Variants in RBBP8 observed in about 807,000 individuals in gnomAD.
RBBP8 encodes the protein RB binding protein 8, endonuclease.
In RBBP8, 88 loss-of-function variants were observed where a neutral mutation model predicts 108.3. That is an observed-to-expected ratio of 0.81 (90% CI 0.68 to 0.97). The LOEUF is 0.97. Ranked by LOEUF, RBBP8 falls within the 50% of genes least tolerant of loss-of-function variation. The pLI, the probability that RBBP8 is intolerant of heterozygous loss-of-function variation, is 0.00. For missense variants in RBBP8, 1,023 were observed against 1,049.0 expected, an observed-to-expected ratio of 0.98 and a Z score of 0.34; for synonymous variants, 332 against 348.2, an observed-to-expected ratio of 0.95 and a Z score of 0.52.
chr18:22,935,801 C>G (rs1910523676), intron 1 of RBBP8, among the ~76,000 whole-genome samples: 1 of 152,192 alleles, frequency 6.6e-6, no homozygotes, highest in Non-Finnish European at 1.5e-5. Context: ...TCTTCAAGGA[C>G]TATGTAATAA....
chr18:22,978,043 G>T (rs1436444007), intron 6 of RBBP8, among the ~76,000 whole-genome samples: 1 of 152,130 alleles, frequency 6.6e-6, no homozygotes, highest in Non-Finnish European at 1.5e-5. Context: ...CTGATCAGTG[G>T]AGCAGTACTG....
At chr18:22,946,653 T>G (rs765687709) in intron 3 of RBBP8, among the ~76,000 whole-genome samples, 167 bp downstream of exon 3, 4 of 149,198 alleles carry the variant, frequency 2.7e-5, no homozygotes, top group Non-Finnish European at 4.5e-5. Flanking sequence ...TCAGCAGCAG[T>G]TTTTTTTTTC....
chr18:22,967,015 C>T (rs1913662925), intron 4 of RBBP8, among the ~76,000 whole-genome samples: 1 of 152,112 alleles, frequency 6.6e-6, no homozygotes, highest in African/African-American at 2.4e-5. Flanking sequence ...CGTAAGCCAC[C>T]ATGCTCTGCC....
intron 2 of RBBP8, among the ~76,000 whole-genome samples, chr18:22,940,110 G>A (rs749008598): frequency 6.6e-6 from 1 of 151,936 alleles, no homozygotes; most frequent in African/African-American, 2.4e-5. Context: ...ATGTAAAATG[G>A]TATGTGCTAT....
At position 22,993,611 on chromosome 18, in the gene RBBP8, AG is replaced by A; in HGVS notation, c.1785del (p.Thr596LeufsTer5). On this transcript the variant is annotated frameshift_variant, in exon 11 of 19. Coordinates refer to ENST00000327155, the MANE Select transcript of RBBP8 (RefSeq NM_002894.3). LOFTEE classifies it high-confidence loss of function. ...CCTCTACGTCCACGTGAAAGTTTGG[AG>A]ACTGAGAATGTTTTAGATGACATAA... ...KIPLRPRESL[E>X]TENVLDDIKS... is the part of the protein sequence containing the mutation. 2.5e-6 allele frequency: 4 copies of A among 1,614,256 alleles called. No individual in the cohort carries two copies. Among genetic ancestry groups the A allele is most frequent in the Non-Finnish European group, 3.4e-6 (4 of 1,180,042 alleles).
rs1438253261 is a variant in RBBP8 at position 23,026,484 on chromosome 18, C to A, written c.*244C>A. 2.3e-6 allele frequency: 1 copy of A among 431,756 alleles called. No homozygotes were observed. Among genetic ancestry groups the A allele is most frequent in the South Asian group, 2.2e-5 (1 of 45,018 alleles). The allele number at this position is 431,756 out of a possible 1,614,324, so 26.7% of individuals were successfully genotyped here. On this transcript the variant is annotated 3_prime_UTR_variant, in exon 19 of 19. Transcript: ENST00000327155. ...GATACCTAATACAATTTTGAAAATA[C>A]AATAGTTGTAGTCTGTGATTTGTTG...
Position 23,026,341 on chromosome 18 carries a change from A to G in RBBP8, c.*101A>G. ...CATTGATTTTTTTGATCTTCTGTAA[A>G]TGGATTTATAAATCAGTTTTCTATT... On this transcript the variant is annotated 3_prime_UTR_variant, in exon 19 of 19. Coordinates refer to ENST00000327155, the MANE Select transcript of RBBP8 (RefSeq NM_002894.3). 1 of 1,007,940 alleles carries G rather than the reference A, an allele frequency of 9.9e-7. No homozygotes were observed. The highest frequency in any genetic ancestry group is 1.5e-6 in the Non-Finnish European group (1 of 658,898). The allele number at this position is 1,007,940 out of a possible 1,614,324, so 62.4% of individuals were successfully genotyped here.
chr18:22,989,311 A>G lies in RBBP8; in HGVS notation c.800A>G (p.Glu267Gly), dbSNP rs142213980. 206 of 1,587,914 alleles carry G rather than the reference A, an allele frequency of 1.3e-4. No individual in the cohort carries two copies. Among genetic ancestry groups the G allele is most frequent in the Non-Finnish European group, 1.5e-4 (178 of 1,156,778 alleles). ...GAAACACTTGGACTTGGTGTTCAAGAAGAATCTGTAAGTAATTGTTTAGTT... is the reference window on the plus strand; with the variant it reads ...GAAACACTTGGACTTGGTGTTCAAGGAGAATCTGTAAGTAATTGTTTAGTT... ...VAETLGLGVQ[E>G]ESETQGPMSP... The change falls in exon 9 of 19, where the codon GAA (glutamate) becomes GGA (glycine). Residue 267 changes from glutamate to glycine, a missense_variant. Physicochemically the swap from Glu to Gly is moderately conservative, Grantham distance 98. Coordinates refer to ENST00000327155, the MANE Select transcript of RBBP8 (RefSeq NM_002894.3).
At chr18:23,024,292 G>A (rs750791268) in intron 18 of RBBP8, among the ~76,000 whole-genome samples, 17 of 152,024 alleles carry the variant, frequency 1.1e-4, no homozygotes, top group Non-Finnish European at 1.9e-4. Context: ...TTAAATGAAT[G>A]TTGGTACAGA....
intron 2 of RBBP8, among the ~76,000 whole-genome samples, chr18:22,941,711 A>C (rs1598640682): frequency 6.6e-6 from 1 of 152,068 alleles, no homozygotes; most frequent in African/African-American, 2.4e-5. Context: ...GTTATGTTCT[A>C]ATCACATTCC....
chr18:23,003,669 C>T (rs927240511), intron 15 of RBBP8, among the ~76,000 whole-genome samples: 1 of 152,158 alleles, frequency 6.6e-6, no homozygotes, highest in Non-Finnish European at 1.5e-5. Flanking sequence ...TAATCTTTGT[C>T]ACCAATTTTC....
At position 22,937,627 on chromosome 18, in the gene RBBP8, C is replaced by A. The variant is rs145645106; in HGVS notation, c.109+667C>A. 9.7e-4 allele frequency among the ~76,000 whole-genome samples: 147 copies of A among 151,502 alleles called. 1 individual carries two copies. The highest frequency in any genetic ancestry group is 1.8e-3 in the Non-Finnish European group (125 of 67,872). On this transcript the variant is annotated intron_variant, in intron 2 of 18. Transcript: ENST00000327155. ...TCCTGTAGTTGGGACCATAGGCACACGCTGCCATGCCTGGCTAATTTTTTA... is the reference window on the plus strand; with the variant it reads ...TCCTGTAGTTGGGACCATAGGCACAAGCTGCCATGCCTGGCTAATTTTTTA...
chr18:22,981,316 A>G (rs1170712895), intron 6 of RBBP8, among the ~76,000 whole-genome samples: 1 of 152,064 alleles, frequency 6.6e-6, no homozygotes, highest in Non-Finnish European at 1.5e-5. Context: ...TTGAGAGTAG[A>G]CTATAAGGGG....
chr18:22,951,807 A>G (rs1442238416), intron 4 of RBBP8, among the ~76,000 whole-genome samples: 1 of 152,214 alleles, frequency 6.6e-6, no homozygotes, highest in African/African-American at 2.4e-5. Flanking sequence ...AAACATTTAT[A>G]TTTATCAGTT....
intron 14 of RBBP8, among the ~76,000 whole-genome samples, chr18:23,000,966 T>G (rs575160539): frequency 6.6e-6 from 1 of 152,314 alleles, no homozygotes; most frequent in Admixed American, 6.5e-5. Flanking sequence ...ACACTCAGCC[T>G]TACAGCTTGC....
intron 12 of RBBP8, among the ~76,000 whole-genome samples, chr18:22,996,035 C>G (rs573325748): frequency 6.6e-6 from 1 of 152,232 alleles, no homozygotes; most frequent in Non-Finnish European, 1.5e-5. Context: ...TCTCCACCTC[C>G]TCACTAGCAC....
chr18:22,978,899 C>T (rs148434329), intron 6 of RBBP8, among the ~76,000 whole-genome samples: 101 of 152,304 alleles, frequency 6.6e-4, no homozygotes, highest in African/African-American at 2.4e-3. Context: ...TTGATTTAAT[C>T]ATTCTACACT....
At chr18:22,941,192 A>G (rs1043736018) in intron 2 of RBBP8, among the ~76,000 whole-genome samples, 1 of 151,626 alleles carries the variant, frequency 6.6e-6, no homozygotes, top group Non-Finnish European at 1.5e-5. Context: ...TATGTTTTGA[A>G]ACAGAGTCTC....
intron 4 of RBBP8, 126 bp from the exon 5 acceptor site, chr18:22,968,680 A>T (rs962211094): frequency 4.1e-6 from 3 of 726,834 alleles, no homozygotes; most frequent in Middle Eastern, 3.4e-4. Context: ...GTATAATAAC[A>T]TCATTAATCT....
Sources: allele counts gnomAD v4.1 joint callset (sites outside exome capture counted in the v4.1 genomes callset), GRCh38; gene constraint gnomAD v4.1.1; transcripts MANE v1.5; gene names NCBI Gene and HGNC (gene_info 2026-07-23, HGNC 2026-07-21).